Variants in CTNNA3 observed in about 807,000 individuals in gnomAD.
The protein encoded by CTNNA3 is catenin alpha-3.
In CTNNA3, 76 loss-of-function variants were observed where a neutral mutation model predicts 95.7. The ratio of observed to expected loss-of-function variants is 0.79; its 90% CI spans 0.66 to 0.96. CTNNA3 has a LOEUF of 0.96. Ranked by LOEUF, CTNNA3 falls within the 40% of genes least tolerant of loss-of-function variation. The pLI is 0.00. For synonymous variants in CTNNA3, 431 were observed against 374.4 expected (o/e 1.15, Z -1.74); for missense variants, 1,191 against 1,089.8 (o/e 1.09, Z -1.31).
chr10:66,502,477 T>C (rs1004814621), intron 11 of CTNNA3, among the ~76,000 whole-genome samples: 1 of 152,164 alleles, frequency 6.6e-6, no homozygotes, highest in African/African-American at 2.4e-5. Context: ...CTCTAATTTT[T>C]AAAGGATAAA....
rs143953375 is a variant in CTNNA3, at chr10:67,522,252, T to C, written c.460-291A>G. On this transcript the variant is annotated intron_variant, in intron 4 of 17. Coordinates refer to ENST00000433211, the MANE Select transcript of CTNNA3 (RefSeq NM_013266.4). ...AAAAATAAAAAAGAAAGTTCATCTTTTAGGATATACTTCTGCTTTAAAATT... is the reference window on the plus strand; with the variant it reads ...AAAAATAAAAAAGAAAGTTCATCTTCTAGGATATACTTCTGCTTTAAAATT... Among the ~76,000 whole-genome samples the C allele has an allele frequency of 7.0e-3, 1,064 of 152,322 alleles. 17 individuals carry two copies. Among genetic ancestry groups the C allele is most frequent in the African/African-American group, 0.025 (1,019 of 41,560 alleles).
intron 11 of CTNNA3, among the ~76,000 whole-genome samples, chr10:66,442,558 T>A (rs2131792348): frequency 6.6e-6 from 1 of 152,292 alleles, no homozygotes; most frequent in South Asian, 2.1e-4. Context: ...ACAAGCAAGT[T>A]TTTTCTCATA....
intron 15 of CTNNA3, among the ~76,000 whole-genome samples, chr10:65,991,257 T>C (rs1046296347): frequency 4.6e-5 from 7 of 152,114 alleles, no homozygotes; most frequent in African/African-American, 1.7e-4. Flanking sequence ...TGTGGTTCTA[T>C]TAATATGTAA....
chr10:66,047,410 C>T (rs949005004), intron 15 of CTNNA3, among the ~76,000 whole-genome samples: 1 of 152,080 alleles, frequency 6.6e-6, no homozygotes, highest in African/African-American at 2.4e-5. Flanking sequence ...GAAGAAAAGG[C>T]TTTTGATAAA....
At chr10:66,717,994 A>G (rs1463903818) in intron 9 of CTNNA3, among the ~76,000 whole-genome samples, 1 of 152,210 alleles carries the variant, frequency 6.6e-6, no homozygotes, top group Non-Finnish European at 1.5e-5. Context: ...GCATGATTAT[A>G]TATTACAGAC....
chr10:65,919,622 C>A lies in CTNNA3; in HGVS notation c.*708G>T, dbSNP rs922733840. On this transcript the variant is annotated 3_prime_UTR_variant, in exon 18 of 18. Transcript: ENST00000433211. ...CAGAACTCTCTAACACATTGGAAAC[C>A]CAAAAGGTGAGTATGTGGCATCAGA... 1 of 152,024 alleles carries A rather than the reference C, an allele frequency of 6.6e-6. No individual in the cohort carries two copies. Among genetic ancestry groups the A allele is most frequent in the African/African-American group, 2.4e-5 (1 of 41,372 alleles). 9.4% of individuals were successfully genotyped at this position (152,024 alleles called of 1,614,324 possible). A position where few individuals can be genotyped will look rare whatever the true frequency, so the allele number is the denominator to read the frequency against.
chr10:65,994,335 A>C (rs1027579390), intron 15 of CTNNA3, among the ~76,000 whole-genome samples: 3 of 152,192 alleles, frequency 2.0e-5, no homozygotes, highest in Non-Finnish European at 2.9e-5. Flanking sequence ...GAAAGTAATA[A>C]ATTTCCTCAG....
chr10:67,739,071 A>C (rs568356669), intron 1 of CTNNA3, among the ~76,000 whole-genome samples: 2 of 152,308 alleles, frequency 1.3e-5, no homozygotes, highest in African/African-American at 4.8e-5. Context: ...GGCAACATTC[A>C]AATTCAGGAA....
At chr10:67,368,092 A>G (rs891893819) in intron 5 of CTNNA3, among the ~76,000 whole-genome samples, 2 of 152,160 alleles carry the variant, frequency 1.3e-5, no homozygotes, top group Non-Finnish European at 2.9e-5. Context: ...ATGAAAAAGT[A>G]CACCACGGAA....
chr10:67,693,602 C>T (rs1367636827), intron 1 of CTNNA3, among the ~76,000 whole-genome samples: 2 of 152,084 alleles, frequency 1.3e-5, no homozygotes, highest in Non-Finnish European at 2.9e-5. Context: ...AATATTATTA[C>T]TGAATAATAA....
At chr10:66,750,964 A>G (rs1259919819) in intron 9 of CTNNA3, among the ~76,000 whole-genome samples, 2 of 152,120 alleles carry the variant, frequency 1.3e-5, no homozygotes, top group African/African-American at 2.4e-5. Flanking sequence ...GTAAATGATA[A>G]TATGTTTTTA....
intron 9 of CTNNA3, among the ~76,000 whole-genome samples, chr10:66,731,690 C>T (rs923500944): frequency 2.6e-5 from 4 of 152,154 alleles, no homozygotes; most frequent in Admixed American, 2.6e-4. Context: ...CTAGCTAAAA[C>T]AATAATTATC....
chr10:66,076,579 A>G (rs1484959107), intron 14 of CTNNA3, among the ~76,000 whole-genome samples: 1 of 151,702 alleles, frequency 6.6e-6, no homozygotes, highest in African/African-American at 2.4e-5. Context: ...CTCATCCATC[A>G]AAAAACACCC....
intron 9 of CTNNA3, among the ~76,000 whole-genome samples, chr10:66,749,280 C>A (rs193298393): frequency 2.7e-5 from 4 of 149,732 alleles, no homozygotes; most frequent in Admixed American, 6.7e-5. Context: ...ACATTGCATG[C>A]GGATTGACAA....
At chr10:66,063,363 G>T in intron 15 of CTNNA3, among the ~76,000 whole-genome samples, 1 of 148,748 alleles carries the variant, frequency 6.7e-6, no homozygotes, top group East Asian at 2.0e-4. Context: ...TATATATCAA[G>T]ATCTGCTTCT....
At chr10:67,434,706 T>C (rs986303970) in intron 5 of CTNNA3, among the ~76,000 whole-genome samples, 1 of 151,948 alleles carries the variant, frequency 6.6e-6, no homozygotes, top group African/African-American at 2.4e-5. Context: ...AGCGACATCA[T>C]GGAAATTTAA....
rs776144084 is a variant in CTNNA3, at chr10:66,927,750, G to A, written c.1048-152226C>T. The A allele has an allele frequency of 3.7e-6, 6 of 1,614,138 alleles. No individual in the cohort carries two copies. The South Asian group carries it at 5.5e-5, about 15-fold the overall frequency. On this transcript the variant is annotated intron_variant, in intron 7 of 17. Coordinates refer to ENST00000433211, the MANE Select transcript of CTNNA3 (RefSeq NM_013266.4). This position sits in a 1 kb window ranked among gnomAD's most constrained non-coding sequence, Gnocchi z 4.7. ...GACCCAGTGTTTTCCAGTGTGTCCCGAATCTGCAGCGCCTCAACCTGGATT... is the reference window on the plus strand; with the variant it reads ...GACCCAGTGTTTTCCAGTGTGTCCCAAATCTGCAGCGCCTCAACCTGGATT...
At chr10:66,304,443 A>T (rs1248000743) in intron 12 of CTNNA3, among the ~76,000 whole-genome samples, 3 of 152,176 alleles carry the variant, frequency 2.0e-5, no homozygotes, top group Non-Finnish European at 4.4e-5. Context: ...TAAATTGTTC[A>T]TAGTAGCTTT....
chr10:66,404,622 A>G (rs2093043614), intron 11 of CTNNA3, among the ~76,000 whole-genome samples: 1 of 152,212 alleles, frequency 6.6e-6, no homozygotes, highest in African/African-American at 2.4e-5. Context: ...GTTATTTTAG[A>G]GAACAACTTA....
Sources: allele counts gnomAD v4.1 joint callset (sites outside exome capture counted in the v4.1 genomes callset), GRCh38; gene constraint gnomAD v4.1.1; non-coding constraint Gnocchi (gnomAD v3.1); transcripts MANE v1.5; gene names NCBI Gene and HGNC (gene_info 2026-07-23, HGNC 2026-07-21).